SYNE2: variants seen among roughly 807,000 people sequenced by gnomAD.
The protein encoded by SYNE2 is nesprin-2.
A neutral mutation model predicts 856.3 loss-of-function variants in SYNE2; 431 were observed. The ratio of observed to expected loss-of-function variants is 0.50; its 90% CI spans 0.47 to 0.55. The LOEUF (loss-of-function observed/expected upper bound fraction) is 0.55, where lower values mean the gene tolerates loss of function less well. SYNE2 is among the 20% of genes least tolerant of loss of function. The probability of loss-of-function intolerance (pLI) is 0.00; values close to 1 mark genes in which losing one functional copy is unlikely to be tolerated. For synonymous variants in SYNE2, 2,923 were observed against 2,872.3 expected (o/e 1.02, Z -0.56); for missense variants, 8,129 against 8,023.2 (o/e 1.01, Z -0.50).
At chr14:63,886,137 T>A (rs1311815795) in intron 1 of SYNE2, among the ~76,000 whole-genome samples, 3 of 152,196 alleles carry the variant, frequency 2.0e-5, no homozygotes, top group Non-Finnish European at 2.9e-5. Context: ...TCCTTACTGC[T>A]TGTTTTTCAA....
chr14:64,156,161 A>G (rs1390958906), intron 85 of SYNE2, among the ~76,000 whole-genome samples: 2 of 152,104 alleles, frequency 1.3e-5, no homozygotes, highest in African/African-American at 4.8e-5. Context: ...TGATTTTCTC[A>G]TCCTTTCCCT....
chr14:64,207,000 C>G, intron 100 of SYNE2, among the ~76,000 whole-genome samples: 1 of 152,158 alleles, frequency 6.6e-6, no homozygotes, highest in East Asian at 1.9e-4. Context: ...AGTTAGTCCT[C>G]AAATTGACTC....
rs973015445 is a variant in SYNE2 at position 64,048,077 on chromosome 14, G to C, written c.7299G>C (p.Glu2433Asp). Residue 2433 changes from glutamate to aspartate, a missense_variant, in exon 46 of 116, where the codon GAG (glutamate) becomes GAC (aspartate). Physicochemically the swap from Glu to Asp is conservative, Grantham distance 45 (BLOSUM62 2). Coordinates refer to ENST00000555002, the MANE Select transcript of SYNE2 (RefSeq NM_182914.3). ...AQESMKNTED[E>D]RKVNELQNQP... The stretch of plus-strand genomic sequence containing the variant: ...AAAGCATGAAAAACACTGAAGATGA[G>C]CGGAAAGTCAATGAGCTGCAAAATC... 6.2e-7 allele frequency: 1 copy of C among 1,613,610 alleles called. No homozygotes were observed. The highest frequency in any genetic ancestry group is 8.5e-7 in the Non-Finnish European group (1 of 1,179,798).
chr14:64,009,854 A>G, intron 31 of SYNE2, 112 bp from the exon 32 acceptor site: 1 of 925,322 alleles, frequency 1.1e-6, no homozygotes, highest in Non-Finnish European at 1.7e-6. Context: ...AACCACATCA[A>G]GAGGAAAAGT....
intron 57 of SYNE2, among the ~76,000 whole-genome samples, chr14:64,082,646 C>T (rs894461579): frequency 1.3e-5 from 2 of 152,174 alleles, no homozygotes; most frequent in African/African-American, 2.4e-5. Context: ...CAGATGGCAC[C>T]GGACTGCATC....
At chr14:64,155,499 G>GATTCTT (rs2098278698) in intron 85 of SYNE2, among the ~76,000 whole-genome samples, 1 of 151,492 alleles carries the variant, frequency 6.6e-6, no homozygotes, top group African/African-American at 2.4e-5. Context: ...TCATGAAAAT[G>GATTCTT]TTCTAAAATT....
intron 27 of SYNE2, among the ~76,000 whole-genome samples, chr14:63,999,746 A>T (rs909744885): frequency 1.3e-5 from 2 of 152,140 alleles, no homozygotes; most frequent in Non-Finnish European, 2.9e-5. Flanking sequence ...GGGAACCCTC[A>T]CAGATGGAGG....
At chr14:63,825,496 C>A (rs1889393462) in intron 1 of SYNE2, among the ~76,000 whole-genome samples, 1 of 152,008 alleles carries the variant, frequency 6.6e-6, no homozygotes, top group Non-Finnish European at 1.5e-5. Context: ...TCATTCACAA[C>A]AGCATCAAAC....
At chr14:64,037,568 TC>T (rs2153556475) in intron 45 of SYNE2, among the ~76,000 whole-genome samples, 1 of 60,606 alleles carries the variant, frequency 1.7e-5, no homozygotes, top group East Asian at 5.3e-4. Flanking sequence ...GATTTCTCAA[TC>T]TTTTCCCCAC....
intron 1 of SYNE2, among the ~76,000 whole-genome samples, chr14:63,843,982 C>A (rs375593235): frequency 2.0e-4 from 31 of 152,282 alleles, no homozygotes; most frequent in African/African-American, 6.5e-4. Flanking sequence ...TCCCCGCTAT[C>A]AGCATCCGGC....
intron 100 of SYNE2, 32 bp downstream of exon 100, chr14:64,202,995 G>A (rs1360734989): frequency 1.2e-6 from 2 of 1,612,834 alleles, no homozygotes; most frequent in Non-Finnish European, 1.7e-6. Flanking sequence ...TCTTGCAAGA[G>A]TACGGTGTCC....
chr14:63,960,348 T>A (rs566715649), intron 8 of SYNE2, among the ~76,000 whole-genome samples: 18 of 152,342 alleles, frequency 1.2e-4, no homozygotes, highest in Non-Finnish European at 2.1e-4. Flanking sequence ...CTAGTAAATA[T>A]GTTCACTAAA....
intron 27 of SYNE2, 143 bp downstream of exon 27, chr14:63,999,183 T>C (rs2096735382): frequency 1.2e-6 from 1 of 849,996 alleles, no homozygotes; most frequent in Non-Finnish European, 1.9e-6. Context: ...GCATTTCTAG[T>C]GTCACCCTAG....
chr14:63,842,880 G>A (rs930708313), intron 1 of SYNE2, among the ~76,000 whole-genome samples: 3 of 151,962 alleles, frequency 2.0e-5, no homozygotes, highest in Non-Finnish European at 4.4e-5. Context: ...GTGTTTTCAG[G>A]TTTTTCTCAT....
chr14:63,802,341 A>G (rs937876377), intron 1 of SYNE2, among the ~76,000 whole-genome samples: 1 of 151,476 alleles, frequency 6.6e-6, no homozygotes, highest in African/African-American at 2.4e-5. Flanking sequence ...TCCAGCTCTC[A>G]GGTGATCTGC....
chr14:64,198,701 G>A (rs2098549841), intron 99 of SYNE2, among the ~76,000 whole-genome samples: 1 of 152,092 alleles, frequency 6.6e-6, no homozygotes, highest in African/African-American at 2.4e-5. Context: ...TGCTTCATTG[G>A]CCCTGTGTGA....
At chr14:64,160,803 T>G (rs1390990825) in intron 87 of SYNE2, among the ~76,000 whole-genome samples, 1 of 152,218 alleles carries the variant, frequency 6.6e-6, no homozygotes, top group Non-Finnish European at 1.5e-5. Context: ...CTCCCAGAAA[T>G]CTAGTCTAAG....
At chr14:64,098,577 G>A (rs571423738) in intron 62 of SYNE2, 170 bp from the exon 63 acceptor site, 41 of 695,256 alleles carry the variant, frequency 5.9e-5, no homozygotes, top group African/African-American at 3.4e-4. Flanking sequence ...GACTGACTCC[G>A]GATATCTGGC....
At chr14:64,174,067 AATTT>A in intron 94 of SYNE2, 1 of 536,932 alleles carries the variant, frequency 1.9e-6, no homozygotes, top group Non-Finnish European at 3.3e-6. Context: ...TTGTCTCTTA[AATTT>A]TTTTTTTTTT....
Sources: allele counts gnomAD v4.1 joint callset (sites outside exome capture counted in the v4.1 genomes callset), GRCh38; gene constraint gnomAD v4.1.1; transcripts MANE v1.5; gene names NCBI Gene and HGNC (gene_info 2026-07-23, HGNC 2026-07-21).